The following GOSR1 variants were observed in gnomAD, a reference collection of about 807,000 sequenced individuals.
GOSR1 encodes the protein 28 kDa Golgi SNARE protein.
In GOSR1, 21 loss-of-function variants were observed where a neutral mutation model predicts 35.5. That is an observed-to-expected ratio of 0.59 (90% CI 0.42 to 0.85). The LOEUF is 0.85. Ranked by LOEUF, GOSR1 falls within the 40% of genes least tolerant of loss-of-function variation. The pLI, the probability that GOSR1 is intolerant of heterozygous loss-of-function variation, is 0.00. For missense variants in GOSR1, 285 were observed against 309.6 expected (o/e 0.92, Z 0.60); for synonymous variants, 94 against 106.6 (o/e 0.88, Z 0.73).
At chr17:30,520,983 C>A (rs1016861072) in intron 8 of GOSR1, among the ~76,000 whole-genome samples, 3 of 152,132 alleles carry the variant, frequency 2.0e-5, no homozygotes, top group African/African-American at 7.2e-5. Context: ...AAAAGCTGAT[C>A]AGTGAATTTA....
intron 2 of GOSR1, among the ~76,000 whole-genome samples, chr17:30,481,733 T>C (rs1451639030): frequency 6.6e-6 from 1 of 152,224 alleles, no homozygotes; most frequent in Non-Finnish European, 1.5e-5. Flanking sequence ...TTAATTTTGG[T>C]ACTTTTTTGG....
chr17:30,512,431 A>G (rs1472424140), intron 7 of GOSR1, among the ~76,000 whole-genome samples: 1 of 152,204 alleles, frequency 6.6e-6, no homozygotes, highest in African/African-American at 2.4e-5. Context: ...AAAGTTTAAC[A>G]TACATTGATG....
At chr17:30,479,527 C>T (rs1272248193) in intron 1 of GOSR1, 1 of 152,236 alleles carries the variant, frequency 6.6e-6, no homozygotes, top group Non-Finnish European at 1.5e-5. Context: ...TAGATGGAGT[C>T]TCGCACTGTC....
At chr17:30,501,760 C>G (rs1967219787) in intron 6 of GOSR1, among the ~76,000 whole-genome samples, 1 of 152,192 alleles carries the variant, frequency 6.6e-6, no homozygotes, top group Non-Finnish European at 1.5e-5. Flanking sequence ...TCCCAAAGTT[C>G]TGGGATTATA....
intron 6 of GOSR1, among the ~76,000 whole-genome samples, chr17:30,504,074 T>C (rs892272581): frequency 1.4e-4 from 21 of 151,504 alleles, no homozygotes; most frequent in African/African-American, 5.1e-4. Flanking sequence ...TCGCCCAGGC[T>C]GGAGTGCAAT....
intron 4 of GOSR1, among the ~76,000 whole-genome samples, chr17:30,485,639 T>G (rs564028829): frequency 2.0e-5 from 3 of 152,334 alleles, no homozygotes; most frequent in African/African-American, 7.2e-5. Context: ...GCTAGAATTA[T>G]AGGCATGAGC....
In GOSR1 at chr17:30,527,582, A is replaced by G. The variant is rs1029015976; in HGVS notation, c.*5204A>G. The G allele has an allele frequency of 6.7e-6, 1 of 150,102 alleles. No individual in the cohort carries two copies. The highest frequency in any genetic ancestry group is 6.6e-5 in the Admixed American group (1 of 15,244). The allele number at this position is 150,102 out of a possible 1,614,324, so 9.3% of individuals were successfully genotyped here. On this transcript the variant is annotated 3_prime_UTR_variant, in exon 9 of 9. Transcript: ENST00000451249. ...CAGCAAAGCCAGGGGTACAGGGCTC[A>G]CCTGACATAAGAGATATCCTTGGGT...
chr17:30,526,947 A>G lies in GOSR1; in HGVS notation c.*4569A>G, dbSNP rs1486322204. On this transcript the variant is annotated 3_prime_UTR_variant, in exon 9 of 9. Transcript: ENST00000451249. ...CCAGGATGAAATAATACAGGTGCTG[A>G]AAAGCTGTCACATGTCATTCAGAAA... The G allele has an allele frequency of 6.6e-6, 1 of 152,224 alleles. No individual in the cohort carries two copies. Among genetic ancestry groups the G allele is most frequent in the African/African-American group, 2.4e-5 (1 of 41,442 alleles). The allele number at this position is 152,224 out of a possible 1,614,324, so 9.4% of individuals were successfully genotyped here.
intron 6 of GOSR1, among the ~76,000 whole-genome samples, chr17:30,501,551 C>T (rs924855330): frequency 5.9e-5 from 9 of 151,638 alleles, no homozygotes; most frequent in Admixed American, 2.6e-4. Context: ...GGCTGGAGTG[C>T]AGTGGCGCGA....
At chr17:30,514,326 T>C (rs77613185) in intron 7 of GOSR1, among the ~76,000 whole-genome samples, 4,191 of 152,308 alleles carry the variant, frequency 0.028, 186 homozygotes, top group African/African-American at 0.096. Flanking sequence ...TCTATTGGAT[T>C]ACCTACTTGG....
At chr17:30,505,724 G>C (rs1442220745) in intron 6 of GOSR1, among the ~76,000 whole-genome samples, 1 of 152,024 alleles carries the variant, frequency 6.6e-6, no homozygotes, top group Admixed American at 6.6e-5. Flanking sequence ...TGTATGTGTG[G>C]GGGTTTTTTT....
intron 6 of GOSR1, among the ~76,000 whole-genome samples, chr17:30,499,682 G>A (rs1467166690): frequency 6.6e-6 from 1 of 152,150 alleles, no homozygotes; most frequent in East Asian, 1.9e-4. Flanking sequence ...TTGTATTGTT[G>A]AGTTGTATGG....
intron 7 of GOSR1, 134 bp downstream of exon 7, chr17:30,511,043 T>A (rs547296653): frequency 1.3e-4 from 66 of 521,584 alleles, no homozygotes; most frequent in Non-Finnish European, 2.1e-4. Flanking sequence ...TTATCCTCCT[T>A]AAAGATGAAA....
At chr17:30,508,675 A>G (rs1021905202) in intron 6 of GOSR1, among the ~76,000 whole-genome samples, 3 of 152,264 alleles carry the variant, frequency 2.0e-5, no homozygotes, top group African/African-American at 4.8e-5. Flanking sequence ...CTGGAAATTT[A>G]TATCAATTTT....
chr17:30,489,071 A>T (rs755192576), intron 4 of GOSR1, among the ~76,000 whole-genome samples: 3 of 152,210 alleles, frequency 2.0e-5, no homozygotes, highest in African/African-American at 7.2e-5. Context: ...GAAATAATAG[A>T]TAAGCTTGTA....
rs1483294344 is a variant in GOSR1 at position 30,492,667 on chromosome 17, C to G, written c.435-12C>G. On this transcript the variant is annotated splice_polypyrimidine_tract_variant and intron_variant, in intron 5 of 8. Coordinates refer to ENST00000451249, the MANE Select transcript of GOSR1 (RefSeq NM_001007025.2). ...TGCCAAAAATGTTTTTAAATTTTCT[C>G]TTTTGTCCCAGGTCATATAAAAGTG... 1 of 1,516,214 alleles carries G rather than the reference C, an allele frequency of 6.6e-7. No homozygotes were observed. The highest frequency in any genetic ancestry group is 1.1e-5 in the South Asian group (1 of 87,606). The allele number at this position is 1,516,214 out of a possible 1,614,324, so 93.9% of individuals were successfully genotyped here. A position where few individuals can be genotyped will look rare whatever the true frequency, so the allele number is the denominator to read the frequency against.
At chr17:30,481,545 T>C (rs1914350624) in intron 2 of GOSR1, among the ~76,000 whole-genome samples, 1 of 152,176 alleles carries the variant, frequency 6.6e-6, no homozygotes, top group Non-Finnish European at 1.5e-5. Context: ...ATTCAGCCAG[T>C]GTAGGGAAAA....
intron 1 of GOSR1, chr17:30,480,917 G>A: frequency 5.6e-6 from 2 of 358,448 alleles, no homozygotes; most frequent in South Asian, 5.6e-5. Flanking sequence ...TCTCCATGTT[G>A]ATCAGGCTGG....
At chr17:30,485,023 A>T (rs1382425295) in intron 4 of GOSR1, 2 of 476,766 alleles carry the variant, frequency 4.2e-6, no homozygotes, top group Admixed American at 3.3e-5. Context: ...ATATACTTCC[A>T]CTATGGGAGA....
Sources: gnomAD v4.1 joint callset for allele counts (sites outside exome capture counted in the v4.1 genomes callset) on GRCh38, gnomAD v4.1.1 for gene constraint, MANE v1.5 for transcripts, NCBI Gene and HGNC (gene_info 2026-07-23, HGNC 2026-07-21) for gene names.